The following RAB11FIP2 variants were observed in gnomAD, a reference collection of about 807,000 sequenced individuals.
RAB11FIP2 encodes rab11 family-interacting protein 2.
A neutral mutation model predicts 40.9 loss-of-function variants in RAB11FIP2; 16 were observed. That is an observed-to-expected ratio of 0.39 (90% CI 0.26 to 0.59). RAB11FIP2 has a LOEUF of 0.59. Among genes scored for constraint, RAB11FIP2 ranks in the 20% least tolerant of loss-of-function variants. The probability of loss-of-function intolerance (pLI) is 0.53; values close to 1 mark genes in which losing one functional copy is unlikely to be tolerated. For synonymous variants in RAB11FIP2, 228 were observed against 213.7 expected, an observed-to-expected ratio of 1.07 and a Z score of -0.58; for missense variants, 532 against 606.2, an observed-to-expected ratio of 0.88 and a Z score of 1.28.
At chr10:118,044,248 T>G (rs1054785958) in intron 1 of RAB11FIP2, among the ~76,000 whole-genome samples, 14 of 152,152 alleles carry the variant, frequency 9.2e-5, no homozygotes, top group Admixed American at 9.2e-4. Flanking sequence ...CTAGGAAAAT[T>G]TATGTTTCAG....
At chr10:118,038,045 T>A (rs1233174334) in intron 3 of RAB11FIP2, among the ~76,000 whole-genome samples, 7 of 151,932 alleles carry the variant, frequency 4.6e-5, no homozygotes, top group African/African-American at 7.2e-5. Flanking sequence ...TTTATTTTTT[T>A]AAATATTTTC....
In RAB11FIP2 at chr10:118,015,090, C is replaced by G. The variant is rs1309565024; in HGVS notation, c.1286G>C (p.Ser429Thr). The G allele has an allele frequency of 6.2e-7, 1 of 1,609,904 alleles. No homozygotes were observed. The highest frequency in any genetic ancestry group is 1.3e-5 in the African/African-American group (1 of 74,900). The change falls in exon 4 of 5, where the codon AGC (serine) becomes ACC (threonine). Residue 429 changes from serine to threonine, a missense_variant. Ser to Thr is a moderately conservative substitution (Grantham distance 58). Transcript: ENST00000355624. ...PSSSFHMSPT[S>T]NEDLRKIPDS... The stretch of plus-strand genomic sequence containing the variant: ...CGGGATTTTCCTGAGGTCTTCATTG[C>G]TTGTTGGACTCATATGAAAACTAAT...
At chr10:118,024,321 T>C (rs1018897340) in intron 3 of RAB11FIP2, among the ~76,000 whole-genome samples, 3 of 152,176 alleles carry the variant, frequency 2.0e-5, no homozygotes, top group Non-Finnish European at 2.9e-5. Context: ...ATTTTACTAA[T>C]ATAATCATGT....
intron 3 of RAB11FIP2, among the ~76,000 whole-genome samples, chr10:118,036,463 AACTATACTGTT>A (rs1324209208): frequency 6.6e-6 from 1 of 152,132 alleles, no homozygotes; most frequent in Non-Finnish European, 1.5e-5. Context: ...GGAAAAATAG[AACTATACTGTT>A]ACGTAAAGAC....
intron 3 of RAB11FIP2, among the ~76,000 whole-genome samples, chr10:118,028,119 C>CT (rs1030308026): frequency 6.6e-6 from 1 of 152,092 alleles, no homozygotes; most frequent in African/African-American, 2.4e-5. Context: ...CCTAGCAGAG[C>CT]TTTACACACA....
At chr10:118,045,273 C>G (rs977323517) in intron 1 of RAB11FIP2, 1 of 151,672 alleles carries the variant, frequency 6.6e-6, no homozygotes, top group African/African-American at 2.4e-5. Flanking sequence ...TTTTTTCTAA[C>G]AGGTATAGAC....
At chr10:118,010,455 C>T (rs909005758) in intron 4 of RAB11FIP2, among the ~76,000 whole-genome samples, 1 of 152,002 alleles carries the variant, frequency 6.6e-6, no homozygotes, top group African/African-American at 2.4e-5. Context: ...TTAAACTGTC[C>T]TTCCCTGTTT....
In RAB11FIP2 at chr10:118,005,503, A is replaced by G. The variant is rs1846081796; in HGVS notation, c.*3495T>C. 6.5e-6 allele frequency: 1 copy of G among 152,680 alleles called. No individual in the cohort carries two copies. Among genetic ancestry groups the G allele is most frequent in the South Asian group, 2.1e-4 (1 of 4,826 alleles). 9.5% of individuals were successfully genotyped at this position (152,680 alleles called of 1,614,324 possible). A position where few individuals can be genotyped will look rare whatever the true frequency, so the allele number is the denominator to read the frequency against. The stretch of plus-strand genomic sequence containing the variant: ...GTGCTGACAGACCCTTCTACATACC[A>G]TCATGGCCCAGCAGCACTGTGATCC... On this transcript the variant is annotated 3_prime_UTR_variant, in exon 5 of 5. Transcript: ENST00000355624.
intron 4 of RAB11FIP2, among the ~76,000 whole-genome samples, chr10:118,010,968 T>C (rs896593745): frequency 6.6e-6 from 1 of 151,102 alleles, no homozygotes; most frequent in African/African-American, 2.4e-5. Flanking sequence ...TGAATGGTAG[T>C]ATAAAGAATT....
In RAB11FIP2 at chr10:118,008,884, G is replaced by A; in HGVS notation, c.*114C>T. On this transcript the variant is annotated 3_prime_UTR_variant, in exon 5 of 5. Coordinates refer to ENST00000355624, the MANE Select transcript of RAB11FIP2 (RefSeq NM_014904.3). ...GGTAAAACTACTCTTCACAATAAAG[G>A]AGAATATGTAATGAAACCTGATAGT... is the stretch of plus-strand genomic sequence containing the variant. 1.2e-6 allele frequency: 1 copy of A among 830,512 alleles called. No individual in the cohort carries two copies. Among genetic ancestry groups the A allele is most frequent in the Non-Finnish European group, 1.9e-6 (1 of 521,822 alleles). The allele number at this position is 830,512 out of a possible 1,614,324, so 51.4% of individuals were successfully genotyped here. A position where few individuals can be genotyped will look rare whatever the true frequency, so the allele number is the denominator to read the frequency against.
chr10:118,010,827 G>C (rs923031052), intron 4 of RAB11FIP2, among the ~76,000 whole-genome samples: 2 of 152,042 alleles, frequency 1.3e-5, no homozygotes, highest in Non-Finnish European at 2.9e-5. Flanking sequence ...AAGGAAACAA[G>C]GCTCAAGGCA....
intron 1 of RAB11FIP2, among the ~76,000 whole-genome samples, chr10:118,044,287 T>C (rs1019683086): frequency 1.4e-4 from 22 of 152,288 alleles, no homozygotes; most frequent in African/African-American, 4.8e-4. Flanking sequence ...GATCCATGAA[T>C]ATTAAAGTAC....
At position 118,008,908 on chromosome 10, in the gene RAB11FIP2, G is replaced by A; in HGVS notation, c.*90C>T. ...GGAGAATATGTAATGAAACCTGATAGTGTAGTCTCTTTCAGTAACAAGTTT... is the reference window on the plus strand; with the variant it reads ...GGAGAATATGTAATGAAACCTGATAATGTAGTCTCTTTCAGTAACAAGTTT... On this transcript the variant is annotated 3_prime_UTR_variant, in exon 5 of 5. Transcript: ENST00000355624. The A allele has an allele frequency of 3.9e-6, 4 of 1,021,896 alleles. No homozygotes were observed. The highest frequency in any genetic ancestry group is 2.1e-5 in the Admixed American group (1 of 48,518). 63.3% of individuals were successfully genotyped at this position (1,021,896 alleles called of 1,614,324 possible). A position where few individuals can be genotyped will look rare whatever the true frequency, so the allele number is the denominator to read the frequency against.
chr10:118,029,285 T>C (rs1176588769), intron 3 of RAB11FIP2, among the ~76,000 whole-genome samples: 1 of 151,542 alleles, frequency 6.6e-6, no homozygotes, highest in Non-Finnish European at 1.5e-5. Context: ...TTCTCAAAGA[T>C]GTTCCCTTCT....
In RAB11FIP2 at chr10:118,025,215, G is replaced by A. The variant is rs7092896; in HGVS notation, c.1266-10105C>T. 6.5e-3 allele frequency among the ~76,000 whole-genome samples: 989 copies of A among 152,238 alleles called. 15 individuals are homozygous for A. Among genetic ancestry groups the A allele is most frequent in the African/African-American group, 0.023 (942 of 41,552 alleles). On this transcript the variant is annotated intron_variant, in intron 3 of 4. Coordinates refer to ENST00000355624, the MANE Select transcript of RAB11FIP2 (RefSeq NM_014904.3). ...TTTCCAGGGCCATCCCCCAACAGAT[G>A]AATACAATGATCTTATTAGAAATTG...
Sources: allele counts gnomAD v4.1 joint callset (sites outside exome capture counted in the v4.1 genomes callset), GRCh38; gene constraint gnomAD v4.1.1; transcripts MANE v1.5; gene names NCBI Gene and HGNC (gene_info 2026-07-23, HGNC 2026-07-21).